The following SLC16A7 variants were observed in gnomAD, a reference collection of about 807,000 sequenced individuals.
SLC16A7 encodes the protein monocarboxylate transporter 2.
In SLC16A7, 33 loss-of-function variants were observed where a neutral mutation model predicts 34.9. The observed-to-expected ratio is 0.94, with a 90% CI of 0.72 to 1.26. The LOEUF is 1.26. SLC16A7 is among the 50% of genes most tolerant of loss of function. SLC16A7 has a pLI of 0.00. For missense variants in SLC16A7, 573 were observed against 578.1 expected (o/e 0.99, Z 0.09); for synonymous variants, 201 against 206.6 (o/e 0.97, Z 0.23).
chr12:59,752,585 C>G (rs1879716723), intron 3 of SLC16A7, among the ~76,000 whole-genome samples: 1 of 151,784 alleles, frequency 6.6e-6, no homozygotes, highest in South Asian at 2.1e-4. Flanking sequence ...AGCAAAGCCT[C>G]CAAGAAATAT....
At chr12:59,602,019 G>A (rs1362224511) in intron 1 of SLC16A7, among the ~76,000 whole-genome samples, 1 of 152,170 alleles carries the variant, frequency 6.6e-6, no homozygotes, top group Admixed American at 6.5e-5. Context: ...AATCAAAAAT[G>A]CCTCTCTACA....
At chr12:59,636,434 G>C (rs1013530825) in intron 1 of SLC16A7, among the ~76,000 whole-genome samples, 1 of 151,812 alleles carries the variant, frequency 6.6e-6, no homozygotes, top group African/African-American at 2.4e-5. Context: ...TTTACATCTG[G>C]TGACAAAAAT....
At chr12:59,759,107 T>G (rs964335843) in intron 3 of SLC16A7, among the ~76,000 whole-genome samples, 5 of 152,030 alleles carry the variant, frequency 3.3e-5, no homozygotes, top group Admixed American at 3.3e-4. Context: ...TGATGACTAC[T>G]GAGTATTTTA....
At chr12:59,717,311 GGTT>G (rs757358674) in intron 3 of SLC16A7, among the ~76,000 whole-genome samples, 40 of 152,112 alleles carry the variant, frequency 2.6e-4, no homozygotes, top group Non-Finnish European at 4.4e-4. Flanking sequence ...AATACACAGA[GGTT>G]GTCATTAACT....
intron 2 of SLC16A7, among the ~76,000 whole-genome samples, chr12:59,660,433 T>C (rs939476116): frequency 1.3e-5 from 2 of 152,060 alleles, no homozygotes; most frequent in African/African-American, 2.4e-5. Flanking sequence ...TAATTTTACA[T>C]TGCTTTTTAA....
intron 1 of SLC16A7, among the ~76,000 whole-genome samples, chr12:59,618,296 A>G (rs1879545481): frequency 6.6e-6 from 1 of 151,962 alleles, no homozygotes. Context: ...CATTTGTTAA[A>G]CCACATGGCT....
chr12:59,693,490 A>C (rs547356673), intron 2 of SLC16A7, among the ~76,000 whole-genome samples: 165 of 152,014 alleles, frequency 1.1e-3, no homozygotes, highest in Non-Finnish European at 2.0e-3. Flanking sequence ...ACCCGTATTG[A>C]TTCTAAAAGA....
At chr12:59,652,158 T>G (rs970865259) in intron 1 of SLC16A7, among the ~76,000 whole-genome samples, 2 of 152,022 alleles carry the variant, frequency 1.3e-5, no homozygotes, top group South Asian at 4.1e-4. Context: ...CAGTCTCTTA[T>G]TTTTGGAGGA....
Position 59,683,397 on chromosome 12 carries a change from G to A in SLC16A7, c.-30-21375G>A, listed in dbSNP as rs547598371. 1.6e-3 allele frequency among the ~76,000 whole-genome samples: 240 copies of A among 152,244 alleles called. 1 individual carries two copies. Among genetic ancestry groups the A allele is most frequent in the African/African-American group, 5.4e-3 (225 of 41,550 alleles). ...GCCAGAAGATGGGAGGCAAGGTTGGGAAACTGAAAGTGAGACAGTCCTTTA... is the reference window on the plus strand; with the variant it reads ...GCCAGAAGATGGGAGGCAAGGTTGGAAAACTGAAAGTGAGACAGTCCTTTA... On this transcript the variant is annotated intron_variant, in intron 2 of 5. Coordinates refer to ENST00000547379, the MANE Select transcript of SLC16A7 (RefSeq NM_001270623.2).
intron 3 of SLC16A7, among the ~76,000 whole-genome samples, chr12:59,750,975 A>G (rs527801319): frequency 6.8e-6 from 1 of 148,002 alleles, no homozygotes; most frequent in Admixed American, 6.9e-5. Flanking sequence ...AAAACCAAAC[A>G]CCACATGTTC....
At chr12:59,607,156 G>A (rs1178622107) in intron 1 of SLC16A7, among the ~76,000 whole-genome samples, 5 of 150,110 alleles carry the variant, frequency 3.3e-5, no homozygotes, top group African/African-American at 1.2e-4. Flanking sequence ...GCACTTTAGA[G>A]AAAAAAAAAA....
chr12:59,676,880 C>A (rs1353014205), intron 2 of SLC16A7, among the ~76,000 whole-genome samples: 1 of 152,062 alleles, frequency 6.6e-6, no homozygotes, highest in Non-Finnish European at 1.5e-5. Context: ...GTAACATTTG[C>A]ATAAGGTAGA....
intron 1 of SLC16A7, among the ~76,000 whole-genome samples, chr12:59,601,330 A>G (rs1310227549): frequency 6.6e-6 from 1 of 152,210 alleles, no homozygotes; most frequent in East Asian, 1.9e-4. Flanking sequence ...ATCTTTTTTA[A>G]CTAGATTAGA....
At chr12:59,705,267 T>A (rs1272379797) in intron 3 of SLC16A7, among the ~76,000 whole-genome samples, 1 of 152,176 alleles carries the variant, frequency 6.6e-6, no homozygotes, top group Non-Finnish European at 1.5e-5. Context: ...CAAAGCAAGA[T>A]TTACTAAATT....
chr12:59,643,400 C>T (rs1192403176), intron 1 of SLC16A7, among the ~76,000 whole-genome samples: 1 of 152,120 alleles, frequency 6.6e-6, no homozygotes, highest in Non-Finnish European at 1.5e-5. Flanking sequence ...CTAGTTGTCT[C>T]TTACATAGTT....
intron 2 of SLC16A7, among the ~76,000 whole-genome samples, chr12:59,690,019 G>A (rs960308916): frequency 9.9e-5 from 15 of 151,956 alleles, no homozygotes; most frequent in Admixed American, 3.9e-4. Flanking sequence ...AGGATTCTGA[G>A]TAAGATTTCA....
intron 3 of SLC16A7, among the ~76,000 whole-genome samples, chr12:59,707,897 C>CT (rs1363123806): frequency 4.6e-5 from 7 of 152,072 alleles, no homozygotes; most frequent in Non-Finnish European, 8.8e-5. Context: ...TTTGGTCCTT[C>CT]TTTTAAAACT....
At chr12:59,647,460 G>A (rs1868266979) in intron 1 of SLC16A7, among the ~76,000 whole-genome samples, 1 of 152,092 alleles carries the variant, frequency 6.6e-6, no homozygotes, top group South Asian at 2.1e-4. Context: ...GTTTCCCAAG[G>A]CCTCCCTAGC....
At chr12:59,706,028 G>T (rs1168837105) in intron 3 of SLC16A7, among the ~76,000 whole-genome samples, 1 of 152,108 alleles carries the variant, frequency 6.6e-6, no homozygotes, top group South Asian at 2.1e-4. Context: ...CGTGAAATAA[G>T]TATTATCTTC....
Sources: gnomAD v4.1 joint callset for allele counts (sites outside exome capture counted in the v4.1 genomes callset) on GRCh38, gnomAD v4.1.1 for gene constraint, MANE v1.5 for transcripts, NCBI Gene and HGNC (gene_info 2026-07-23, HGNC 2026-07-21) for gene names.